PKNOX1: variants seen among roughly 807,000 people sequenced by gnomAD.
PKNOX1 encodes PBX/knotted 1 homeobox 1.
In PKNOX1, 15 loss-of-function variants were observed where a neutral mutation model predicts 51.9. That is an observed-to-expected ratio of 0.29 (90% CI 0.19 to 0.45). PKNOX1 has a LOEUF of 0.45. Ranked by LOEUF, PKNOX1 falls within the 20% of genes least tolerant of loss-of-function variation. The pLI, the probability that PKNOX1 is intolerant of heterozygous loss-of-function variation, is 1.00. For synonymous variants in PKNOX1, 219 were observed against 211.1 expected (o/e 1.04, Z -0.32); for missense variants, 462 against 547.5 (o/e 0.84, Z 1.56).
At position 43,016,970 on chromosome 21, in the gene PKNOX1, G is replaced by A. The variant is rs199928026; in HGVS notation, c.585G>A (p.Ala195=). The change falls in exon 6 of 11, where the codon GCG becomes GCA. Residue 195 remains alanine (A), a synonymous_variant. Transcript: ENST00000291547. The part of the protein sequence containing the change: ...SPQGIVVPAS[A]LQQGNVAMAT... ...AGGGAATTGTGGTGCCGGCGTCCGC[G>A]CTGCAGCAGGGAAACGTAGCCATGG... 2.1e-5 allele frequency: 34 copies of A among 1,612,774 alleles called. 1 individual carries two copies. Among genetic ancestry groups the A allele is most frequent in the East Asian group, 6.7e-5 (3 of 44,902 alleles).
intron 1 of PKNOX1, among the ~76,000 whole-genome samples, chr21:42,988,200 G>T (rs1434208447): frequency 1.3e-5 from 2 of 151,912 alleles, no homozygotes; most frequent in African/African-American, 2.4e-5. Flanking sequence ...ATAGGCGCGT[G>T]CCACCACACC....
In PKNOX1 at chr21:43,010,117, G is replaced by A. The variant is rs1322007989; in HGVS notation, c.244G>A (p.Glu82Lys). 6.2e-7 allele frequency: 1 copy of A among 1,607,924 alleles called. No homozygotes were observed. The highest frequency in any genetic ancestry group is 8.5e-7 in the Non-Finnish European group (1 of 1,176,726). The change falls in exon 4 of 11, where the codon GAA becomes AAA. Residue 82 changes from glutamate (E) to lysine (K), a missense_variant. Coordinates refer to ENST00000291547, the MANE Select transcript of PKNOX1 (RefSeq NM_004571.5). ...ATGTGAACAATCTACACAGGGCTCT[G>A]AAGGCACAACTTCTGCCAGTTTTGA... is the stretch of plus-strand genomic sequence containing the variant. ...EKCEQSTQGS[E>K]GTTSASFDVD...
chr21:43,007,857 A>G, intron 3 of PKNOX1: 1 of 387,162 alleles, frequency 2.6e-6, no homozygotes. Context: ...TGAGGTTAAG[A>G]GTTTGAGACC....
chr21:43,014,064 C>T (rs1416160917), intron 5 of PKNOX1, among the ~76,000 whole-genome samples: 1 of 148,014 alleles, frequency 6.8e-6, no homozygotes, highest in Non-Finnish European at 1.5e-5. Flanking sequence ...CTCCATCACC[C>T]AGGCTGGAGT....
intron 1 of PKNOX1, among the ~76,000 whole-genome samples, chr21:42,991,993 A>G (rs147212945): frequency 5.9e-5 from 9 of 152,302 alleles, no homozygotes; most frequent in African/African-American, 2.2e-4. Flanking sequence ...GAGATGCACT[A>G]CTACAAATAA....
At chr21:42,990,107 A>AT (rs1346205139) in intron 1 of PKNOX1, among the ~76,000 whole-genome samples, 4 of 151,488 alleles carry the variant, frequency 2.6e-5, no homozygotes, top group East Asian at 1.9e-4. Flanking sequence ...AAAAAAAAAA[A>AT]AATAATAATA....
chr21:42,995,436 G>T (rs1051636071), intron 1 of PKNOX1, among the ~76,000 whole-genome samples: 2 of 152,150 alleles, frequency 1.3e-5, no homozygotes, highest in Non-Finnish European at 2.9e-5. Context: ...CCAGCGCTTT[G>T]GGAGGCGGAG....
intron 1 of PKNOX1, among the ~76,000 whole-genome samples, chr21:42,976,636 A>C (rs888886274): frequency 6.6e-6 from 1 of 152,248 alleles, no homozygotes; most frequent in Non-Finnish European, 1.5e-5. Context: ...ACTAGGAATA[A>C]ATTCCATTTC....
At chr21:43,000,894 GA>G (rs757309106) in intron 1 of PKNOX1, among the ~76,000 whole-genome samples, 1 of 151,988 alleles carries the variant, frequency 6.6e-6, no homozygotes, top group South Asian at 2.1e-4. Context: ...AAAAAAGGGA[GA>G]AAAAAAGAAA....
intron 3 of PKNOX1, among the ~76,000 whole-genome samples, chr21:43,009,317 T>C (rs1979137672): frequency 6.6e-6 from 1 of 152,052 alleles, no homozygotes; most frequent in South Asian, 2.1e-4. Context: ...TGGTGGTGCA[T>C]GCCTGTAGTC....
chr21:42,980,382 G>GA (rs35636396), intron 1 of PKNOX1, among the ~76,000 whole-genome samples: 129,281 of 151,126 alleles, frequency 0.86, 55,355 homozygotes, highest in African/African-American at 0.88. Context: ...CGAAAAAAGA[G>GA]AAAAAAAAAT....
In PKNOX1 at chr21:43,021,564, GTC is replaced by G; in HGVS notation, c.849+134_849+135del. 9.1e-7 allele frequency: 1 copy of G among 1,099,342 alleles called. No homozygotes were observed. Among genetic ancestry groups the G allele is most frequent in the Non-Finnish European group, 1.3e-6 (1 of 784,078 alleles). 68.1% of individuals were successfully genotyped at this position (1,099,342 alleles called of 1,614,324 possible). A position where few individuals can be genotyped will look rare whatever the true frequency, so the allele number is the denominator to read the frequency against. ...CCTGACTTTCAGGACTTTGTGGCAT[GTC>G]CATAATGTGGGGAGCGTGGGGCACT... On this transcript the variant is annotated intron_variant, in intron 8 of 10. Transcript: ENST00000291547. The surrounding 1 kb of genome is among the most constrained non-coding windows in gnomAD (Gnocchi z 4.6).
At chr21:42,975,253 C>CCGGCCT (rs2058988538) in intron 1 of PKNOX1, among the ~76,000 whole-genome samples, 2 of 150,194 alleles carry the variant, frequency 1.3e-5, no homozygotes, top group African/African-American at 4.9e-5. Context: ...GACCCCGGCC[C>CCGGCCT]CGGCCTCGGC....
chr21:42,977,831 T>TTACAGGA (rs1239871262), intron 1 of PKNOX1, among the ~76,000 whole-genome samples: 1 of 151,804 alleles, frequency 6.6e-6, no homozygotes, highest in African/African-American at 2.4e-5. Flanking sequence ...AGGGGTGAGC[T>TTACAGGA]GCCGTGCCTG....
At chr21:43,022,894 C>T (rs568750534) in intron 8 of PKNOX1, among the ~76,000 whole-genome samples, 3 of 152,146 alleles carry the variant, frequency 2.0e-5, no homozygotes, top group Admixed American at 6.5e-5. Flanking sequence ...ACACACATTG[C>T]GATTATTACA....
chr21:43,007,601 C>T lies in PKNOX1; in HGVS notation c.162C>T (p.Asp54=), dbSNP rs1444565112. The T allele has an allele frequency of 1.2e-6, 2 of 1,614,026 alleles. No individual in the cohort carries two copies. The highest frequency in any genetic ancestry group is 1.3e-5 in the African/African-American group (1 of 74,918). Residue 54 remains aspartate, a synonymous_variant, in exon 3 of 11, where the codon GAC becomes GAT. Transcript: ENST00000291547. ...PVESQTPMDV[D]KQAIYRHPLF... is the part of the protein sequence containing the mutation. ...AGTCTCAGACCCCGATGGATGTGGA[C>T]AAGCAGGCCATTTATAGGTAGTGCC...
chr21:42,989,258 T>C (rs950816302), intron 1 of PKNOX1, among the ~76,000 whole-genome samples: 16 of 152,008 alleles, frequency 1.1e-4, no homozygotes, highest in African/African-American at 3.9e-4. Flanking sequence ...GGCTTACAGA[T>C]GTAAGCCACT....
At chr21:42,981,464 ACTC>A (rs1285764489) in intron 1 of PKNOX1, among the ~76,000 whole-genome samples, 2 of 151,972 alleles carry the variant, frequency 1.3e-5, no homozygotes, top group African/African-American at 4.8e-5. Context: ...GTGGTATAAA[ACTC>A]CTGTTTAAAG....
intron 1 of PKNOX1, among the ~76,000 whole-genome samples, chr21:42,983,248 T>G (rs1285553276): frequency 6.6e-6 from 1 of 152,122 alleles, no homozygotes; most frequent in Non-Finnish European, 1.5e-5. Context: ...TCCAGAACCC[T>G]TCATCTTGTA....
Sources: gnomAD v4.1 joint callset for allele counts (sites outside exome capture counted in the v4.1 genomes callset) on GRCh38, gnomAD v4.1.1 for gene constraint, Gnocchi (gnomAD v3.1) non-coding constraint, MANE v1.5 for transcripts, NCBI Gene and HGNC (gene_info 2026-07-23, HGNC 2026-07-21) for gene names.